ABHD2: variants seen among roughly 807,000 people sequenced by gnomAD.
ABHD2 encodes monoacylglycerol lipase ABHD2.
In ABHD2, 20 loss-of-function variants were observed where a neutral mutation model predicts 48.1. That is an observed-to-expected ratio of 0.42 (90% CI 0.29 to 0.60). The LOEUF (loss-of-function observed/expected upper bound fraction) is 0.60. ABHD2 is among the 20% of genes least tolerant of loss of function. The pLI is 0.24. For synonymous variants in ABHD2, 209 were observed against 214.2 expected, an observed-to-expected ratio of 0.98 and a Z score of 0.21; for missense variants, 405 against 550.9, an observed-to-expected ratio of 0.74 and a Z score of 2.65.
Position 89,164,542 on chromosome 15 carries a change from T to G in ABHD2, c.538+9008T>G, listed in dbSNP as rs932508831. Among the ~76,000 whole-genome samples the G allele has an allele frequency of 1.3e-5, 2 of 152,058 alleles. No homozygotes were observed. Among genetic ancestry groups the G allele is most frequent in the Non-Finnish European group, 2.9e-5 (2 of 68,010 alleles). ...TGGCTCACACCTGTAATCCCAGCAC[T>G]TTGGGACGCCCAGGCTGGCAGATCA... On this transcript the variant is annotated intron_variant, in intron 5 of 10. Coordinates refer to ENST00000352732, the MANE Select transcript of ABHD2 (RefSeq NM_152924.5). This position sits in a 1 kb window ranked among gnomAD's most constrained non-coding sequence, Gnocchi z 5.0.
rs2050326171 is a variant in ABHD2, at chr15:89,137,055, C to T, written c.195-14622C>T. 6.6e-6 allele frequency among the ~76,000 whole-genome samples: 1 copy of T among 152,214 alleles called. No individual in the cohort carries two copies. The highest frequency in any genetic ancestry group is 2.4e-5 in the African/African-American group (1 of 41,464). The stretch of plus-strand genomic sequence containing the variant: ...CAGCCCAGGTCTGGGAATAGTGGTG[C>T]CTTCTCCTAAAGTTAGGTCACTAAT... On this transcript the variant is annotated intron_variant, in intron 3 of 10. Transcript: ENST00000352732. The surrounding 1 kb of genome is among the most constrained non-coding windows in gnomAD (Gnocchi z 4.8).
chr15:89,073,648 G>A, the ABHD2 span, among the ~76,000 whole-genome samples: 2 of 152,046 alleles, frequency 1.3e-5, no homozygotes, highest in African/African-American at 2.4e-5. Flanking sequence ...GTGGCCTCAC[G>A]CACTACTTCT....
intron 3 of ABHD2, among the ~76,000 whole-genome samples, chr15:89,149,696 A>G (rs1358768208): frequency 6.6e-6 from 1 of 152,256 alleles, no homozygotes; most frequent in East Asian, 1.9e-4. Flanking sequence ...CAAAGGAGAC[A>G]GCTTGAGCAA....
At chr15:89,050,898 C>T in the ABHD2 span, among the ~76,000 whole-genome samples, 1 of 151,952 alleles carries the variant, frequency 6.6e-6, no homozygotes, top group Admixed American at 6.6e-5. Flanking sequence ...TGAGCATCTG[C>T]TATGTACCAG....
intron 1 of ABHD2, among the ~76,000 whole-genome samples, chr15:89,089,246 A>C (rs952504661): frequency 6.6e-6 from 1 of 152,034 alleles, no homozygotes; most frequent in Non-Finnish European, 1.5e-5. Flanking sequence ...GATGCTTAGG[A>C]CTCCCAAGGG....
rs1425307108 is a variant in ABHD2, at chr15:89,179,010, A to T, written c.722+3015A>T. ...AGTTTGGGTGTAAAAGATAGTCTGT[A>T]TCTGAGGACCTCACAGCACTTAAGA... On this transcript the variant is annotated intron_variant, in intron 6 of 10. Transcript: ENST00000352732. The surrounding 1 kb of genome is among the most constrained non-coding windows in gnomAD (Gnocchi z 4.3). Among the ~76,000 whole-genome samples, 1 of 152,260 alleles carries T rather than the reference A, an allele frequency of 6.6e-6. No homozygotes were observed. Among genetic ancestry groups the T allele is most frequent in the East Asian group, 1.9e-4 (1 of 5,202 alleles).
chr15:89,143,253 A>G (rs16942758), intron 3 of ABHD2, among the ~76,000 whole-genome samples: 19,958 of 152,244 alleles, frequency 0.13, 1,406 homozygotes, highest in South Asian at 0.22. Context: ...CAATCCCAGT[A>G]TTCAATTTAC....
chr15:89,042,640 C>G, the ABHD2 span, among the ~76,000 whole-genome samples: 38,128 of 132,838 alleles, frequency 0.29, 5,053 homozygotes, highest in African/African-American at 0.33. Flanking sequence ...ATTTTGGAGA[C>G]TTTTTGTTTT....
chr15:89,142,821 G>A (rs879794074), intron 3 of ABHD2, among the ~76,000 whole-genome samples: 1 of 152,248 alleles, frequency 6.6e-6, no homozygotes, highest in Non-Finnish European at 1.5e-5. Flanking sequence ...GGAGGAACAT[G>A]CAGGAACGGA....
intron 3 of ABHD2, among the ~76,000 whole-genome samples, chr15:89,130,970 G>C (rs564586250): frequency 6.6e-6 from 1 of 152,154 alleles, no homozygotes; most frequent in African/African-American, 2.4e-5. Context: ...CCTGTGTCAC[G>C]TGGGCCTCCT....
intron 1 of ABHD2, among the ~76,000 whole-genome samples, chr15:89,107,908 C>A (rs2049812159): frequency 6.6e-6 from 1 of 152,170 alleles, no homozygotes; most frequent in African/African-American, 2.4e-5. Flanking sequence ...TGAGCTCTCT[C>A]ACTTTGCTGA....
chr15:89,066,929 C>T, the ABHD2 span, among the ~76,000 whole-genome samples: 1 of 152,206 alleles, frequency 6.6e-6, no homozygotes, highest in Admixed American at 6.5e-5. Flanking sequence ...TGTCTGGATA[C>T]TTGTGAGGTC....
rs932404818 is a variant in ABHD2, at chr15:89,197,314, C to G, written c.*1891C>G. The G allele has an allele frequency of 3.3e-5, 5 of 152,646 alleles. No homozygotes were observed. Among genetic ancestry groups the G allele is most frequent in the Non-Finnish European group, 7.3e-5 (5 of 68,050 alleles). 9.5% of individuals were successfully genotyped at this position (152,646 alleles called of 1,614,324 possible). A position where few individuals can be genotyped will look rare whatever the true frequency, so the allele number is the denominator to read the frequency against. On this transcript the variant is annotated 3_prime_UTR_variant, in exon 11 of 11. Coordinates refer to ENST00000352732, the MANE Select transcript of ABHD2 (RefSeq NM_152924.5). This position sits in a 1 kb window ranked among gnomAD's most constrained non-coding sequence, Gnocchi z 4.4. Reference sequence around the variant, plus strand: ...AGCCTCTATCATTATGACTTTCCCCCCAGTGTATTATTTCTCTAATAGGTT... The same window carrying G: ...AGCCTCTATCATTATGACTTTCCCCGCAGTGTATTATTTCTCTAATAGGTT...
In ABHD2 at chr15:89,188,933, A is replaced by C. The variant is rs532627939; in HGVS notation, c.926+630A>C. Among the ~76,000 whole-genome samples the C allele has an allele frequency of 6.6e-6, 1 of 152,006 alleles. No homozygotes were observed. The highest frequency in any genetic ancestry group is 1.5e-5 in the Non-Finnish European group (1 of 67,990). ...AAACAGAAGATAGACCAAGAGGACT[A>C]TGTGTTTCAAGCAAAATGGACAGAG... On this transcript the variant is annotated intron_variant, in intron 8 of 10. Coordinates refer to ENST00000352732, the MANE Select transcript of ABHD2 (RefSeq NM_152924.5). This position sits in a 1 kb window ranked among gnomAD's most constrained non-coding sequence, Gnocchi z 4.1.
intron 3 of ABHD2, among the ~76,000 whole-genome samples, chr15:89,143,458 G>C (rs954528109): frequency 6.6e-6 from 1 of 152,066 alleles, no homozygotes; most frequent in African/African-American, 2.4e-5. Flanking sequence ...ACCTGAGGTC[G>C]GGAGTTCAAG....
At chr15:89,076,057 C>T in the ABHD2 span, among the ~76,000 whole-genome samples, 4 of 152,242 alleles carry the variant, frequency 2.6e-5, no homozygotes, top group South Asian at 2.1e-4. Context: ...TCCACCCACA[C>T]GTCCCCTTTC....
the ABHD2 span, among the ~76,000 whole-genome samples, chr15:89,046,873 G>A: frequency 6.6e-6 from 1 of 152,044 alleles, no homozygotes; most frequent in Non-Finnish European, 1.5e-5. Context: ...AATTTTTGAA[G>A]GGTTTTTTGT....
In ABHD2 at chr15:89,091,980, G is replaced by T. The variant is rs1255606846; in HGVS notation, c.-107+3417G>T. ...TCATGGTTCAGCCTTTTTGGCCAGT[G>T]CATGAGTAGGACATTTTTAAGCCCT... On this transcript the variant is annotated intron_variant, in intron 1 of 10. Coordinates refer to ENST00000352732, the MANE Select transcript of ABHD2 (RefSeq NM_152924.5). This position sits in a 1 kb window ranked among gnomAD's most constrained non-coding sequence, Gnocchi z 5.5. 1.3e-5 allele frequency among the ~76,000 whole-genome samples: 2 copies of T among 152,222 alleles called. No individual in the cohort carries two copies. Among genetic ancestry groups the T allele is most frequent in the Non-Finnish European group, 2.9e-5 (2 of 68,038 alleles).
At chr15:89,052,273 T>C in the ABHD2 span, among the ~76,000 whole-genome samples, 1 of 152,112 alleles carries the variant, frequency 6.6e-6, no homozygotes, top group East Asian at 1.9e-4. Context: ...GAGATTAAAT[T>C]TGAGAAATCA....
Sources: gnomAD v4.1 joint callset for allele counts (sites outside exome capture counted in the v4.1 genomes callset) on GRCh38, gnomAD v4.1.1 for gene constraint, Gnocchi (gnomAD v3.1) non-coding constraint, MANE v1.5 for transcripts, NCBI Gene and HGNC (gene_info 2026-07-23, HGNC 2026-07-21) for gene names.